GATA4: variants seen among roughly 807,000 people sequenced by gnomAD.
The protein encoded by GATA4 is GATA binding protein 4.
A neutral mutation model predicts 37.9 loss-of-function variants in GATA4; 7 were observed. That is an observed-to-expected ratio of 0.18 (90% CI 0.11 to 0.35). GATA4 has a LOEUF of 0.35. Ranked by LOEUF, GATA4 falls within the 10% of genes least tolerant of loss-of-function variation. The pLI is 1.00. For missense variants in GATA4, 647 were observed against 653.0 expected (o/e 0.99, Z 0.10); for synonymous variants, 372 against 292.6 (o/e 1.27, Z -2.77).
chr8:11,686,466 G>T (rs969007057), intron 1 of GATA4, among the ~76,000 whole-genome samples: 6 of 152,108 alleles, frequency 3.9e-5, no homozygotes, highest in African/African-American at 1.2e-4. Flanking sequence ...GTTGATAATG[G>T]AGTGTGAATA....
chr8:11,740,031 G>A (rs1409899380), intron 2 of GATA4, among the ~76,000 whole-genome samples: 5 of 152,160 alleles, frequency 3.3e-5, no homozygotes, highest in Admixed American at 2.6e-4. Context: ...GGCACCCTTC[G>A]CATGCAGTCC....
At chr8:11,684,467 C>A (rs1799076907) in intron 1 of GATA4, among the ~76,000 whole-genome samples, 1 of 152,166 alleles carries the variant, frequency 6.6e-6, no homozygotes, top group African/African-American at 2.4e-5. Flanking sequence ...AATTTCTGAA[C>A]CATAAACTCA....
intron 5 of GATA4, among the ~76,000 whole-genome samples, chr8:11,755,816 T>G (rs149775877): frequency 5.5e-4 from 84 of 151,834 alleles, no homozygotes; most frequent in African/African-American, 2.0e-3. Flanking sequence ...ATTTCTAGAT[T>G]AAGAATAAGG....
At chr8:11,688,064 C>A (rs1157414963), upstream of GATA4, among the ~76,000 whole-genome samples, 1 of 152,130 alleles carries the variant, frequency 6.6e-6, no homozygotes, top group Non-Finnish European at 1.5e-5. Flanking sequence ...AATGCTGACA[C>A]CAGTTTATAG....
At chr8:11,702,139 C>G (rs1286093820), upstream of GATA4, among the ~76,000 whole-genome samples, 1 of 152,200 alleles carries the variant, frequency 6.6e-6, no homozygotes, top group Non-Finnish European at 1.5e-5. The surrounding 1 kb of genome is among the most constrained non-coding windows in gnomAD (Gnocchi z 4.4). Flanking sequence ...CAGCCCATCC[C>G]GCACTACTAG....
At chr8:11,757,201 G>T in intron 6 of GATA4, 118 bp downstream of exon 6, 1 of 1,442,142 alleles carries the variant, frequency 6.9e-7, no homozygotes. Context: ...CAAGCAGTGA[G>T]CTACCCTCTG....
At chr8:11,756,128 G>C (rs1209474002) in intron 5 of GATA4, among the ~76,000 whole-genome samples, 1 of 151,988 alleles carries the variant, frequency 6.6e-6, no homozygotes, top group Non-Finnish European at 1.5e-5. Flanking sequence ...GATTTGACTG[G>C]TCGGTGCTGC....
At chr8:11,736,262 C>T (rs1301405547) in intron 2 of GATA4, among the ~76,000 whole-genome samples, 2 of 152,192 alleles carry the variant, frequency 1.3e-5, no homozygotes, top group Admixed American at 6.5e-5. Context: ...TTGAAGGGGA[C>T]AGGGACTAAA....
chr8:11,702,766 C>T (rs1389772062), upstream of GATA4, among the ~76,000 whole-genome samples: 1 of 152,112 alleles, frequency 6.6e-6, no homozygotes, highest in Admixed American at 6.5e-5. The surrounding 1 kb of genome is among the most constrained non-coding windows in gnomAD (Gnocchi z 4.4). Context: ...GGCTGCCGTG[C>T]GTCCAGCCTG....
chr8:11,715,671 T>C (rs1249051639), intron 2 of GATA4, among the ~76,000 whole-genome samples: 2 of 150,694 alleles, frequency 1.3e-5, no homozygotes, highest in Non-Finnish European at 3.0e-5. Flanking sequence ...AACCCGGGAG[T>C]TGGAGGTTGC....
chr8:11,703,130 C>T (rs1035359868), upstream of GATA4, among the ~76,000 whole-genome samples: 1 of 152,078 alleles, frequency 6.6e-6, no homozygotes. Context: ...TCCCCCATCC[C>T]TCTAATCTGG....
chr8:11,702,378 A>T (rs1799705657), upstream of GATA4, among the ~76,000 whole-genome samples: 1 of 151,666 alleles, frequency 6.6e-6, no homozygotes, highest in African/African-American at 2.4e-5. This position sits in a 1 kb window ranked among gnomAD's most constrained non-coding sequence, Gnocchi z 4.4. Context: ...AGGCCGGGAT[A>T]GCTTCCCGCT....
At chr8:11,713,278 A>T (rs1343321447) in intron 2 of GATA4, among the ~76,000 whole-genome samples, 1 of 152,212 alleles carries the variant, frequency 6.6e-6, no homozygotes, top group East Asian at 1.9e-4. Context: ...CCTAAGACAA[A>T]TGTTAAAATC....
At chr8:11,694,762 A>G (rs536986320) in intron 1 of GATA4, among the ~76,000 whole-genome samples, 14 of 152,170 alleles carry the variant, frequency 9.2e-5, no homozygotes, top group Non-Finnish European at 1.6e-4. Flanking sequence ...TTTTTCTTCC[A>G]TGATCACAGA....
At chr8:11,690,546 T>G (rs1316222166), upstream of GATA4, among the ~76,000 whole-genome samples, 1 of 151,750 alleles carries the variant, frequency 6.6e-6, no homozygotes. Flanking sequence ...GGAATAAGGA[T>G]GGAAATTAAA....
chr8:11,735,657 G>A lies in GATA4; in HGVS notation c.617-13259G>A, dbSNP rs148224807. ...GGCTCACTGCAACCTCCTCCTTCCG[G>A]GTTCAAGCGATTCTTCTGCTTCAGC... is the stretch of plus-strand genomic sequence containing the variant. On this transcript the variant is annotated intron_variant, in intron 2 of 6. Coordinates refer to ENST00000532059, the MANE Select transcript of GATA4 (RefSeq NM_001308093.3). 1.9e-3 allele frequency among the ~76,000 whole-genome samples: 290 copies of A among 152,234 alleles called. 2 individuals are homozygous for A. The Middle Eastern group carries it at 0.021, about 11-fold the overall frequency.
chr8:11,684,651 A>C (rs929331222), intron 1 of GATA4, among the ~76,000 whole-genome samples: 2 of 152,186 alleles, frequency 1.3e-5, no homozygotes, highest in Admixed American at 6.5e-5. Flanking sequence ...TCTGTGTTTC[A>C]GTTTCTTATA....
intron 2 of GATA4, among the ~76,000 whole-genome samples, chr8:11,741,406 G>C (rs1346728622): frequency 6.6e-6 from 1 of 151,888 alleles, no homozygotes; most frequent in Non-Finnish European, 1.5e-5. Flanking sequence ...CTGGGGCCGC[G>C]AAGTCAAGGC....
intron 2 of GATA4, among the ~76,000 whole-genome samples, chr8:11,711,859 C>T (rs1800199375): frequency 6.6e-6 from 1 of 151,794 alleles, no homozygotes; most frequent in African/African-American, 2.4e-5. Flanking sequence ...GGACCAGCAT[C>T]ACATAGTAGC....
Sources: allele counts gnomAD v4.1 joint callset (sites outside exome capture counted in the v4.1 genomes callset), GRCh38; gene constraint gnomAD v4.1.1; non-coding constraint Gnocchi (gnomAD v3.1); transcripts MANE v1.5; gene names NCBI Gene and HGNC (gene_info 2026-07-23, HGNC 2026-07-21).